The following KIF21B variants were observed in gnomAD, a reference collection of about 807,000 sequenced individuals.
KIF21B encodes the protein kinesin-like protein KIF21B.
In KIF21B, 85 loss-of-function variants were observed where a neutral mutation model predicts 192.9. The ratio of observed to expected loss-of-function variants is 0.44; its 90% CI spans 0.37 to 0.53. The LOEUF (loss-of-function observed/expected upper bound fraction) is 0.53. KIF21B is among the 20% of genes least tolerant of loss of function. The pLI is 0.00. For synonymous variants in KIF21B, 832 were observed against 884.6 expected (o/e 0.94, Z 1.05); for missense variants, 1,716 against 2,194.8 (o/e 0.78, Z 4.36).
chr1:201,002,026 GA>G (rs796794098), intron 9 of KIF21B, 134 bp downstream of exon 9: 212 of 721,258 alleles, frequency 2.9e-4, no homozygotes, highest in African/African-American at 1.1e-3. Context: ...AAAATCAAGT[GA>G]AAAAAAATGC....
intron 17 of KIF21B, 118 bp downstream of exon 17, chr1:200,991,539 C>G: frequency 9.6e-7 from 1 of 1,045,172 alleles, no homozygotes; most frequent in Non-Finnish European, 1.4e-6. Context: ...CTGGGAAATA[C>G]CGCCTTTATT....
chr1:200,993,353 G>T (rs550509220), intron 15 of KIF21B, among the ~76,000 whole-genome samples: 13 of 152,268 alleles, frequency 8.5e-5, no homozygotes, highest in Admixed American at 6.5e-4. Context: ...CCCTCTCCAG[G>T]GCTCAAGTCC....
rs1022964022 is a variant in KIF21B at position 200,971,170 on chromosome 1, G to A, written c.*2351C>T. 6.5e-6 allele frequency: 1 copy of A among 152,830 alleles called. No homozygotes were observed. Among genetic ancestry groups the A allele is most frequent in the Non-Finnish European group, 1.5e-5 (1 of 68,062 alleles). 9.5% of individuals were successfully genotyped at this position (152,830 alleles called of 1,614,324 possible). ...ACATGGACCTTGGACATCCCTGAAAGAGTGGGCAGAGAATCCAACTCTCAT... is the reference window on the plus strand; with the variant it reads ...ACATGGACCTTGGACATCCCTGAAAAAGTGGGCAGAGAATCCAACTCTCAT... On this transcript the variant is annotated 3_prime_UTR_variant, in exon 35 of 35. Transcript: ENST00000461742.
intron 30 of KIF21B, among the ~76,000 whole-genome samples, chr1:200,977,735 A>G (rs1250767377): frequency 7.0e-6 from 1 of 141,956 alleles, no homozygotes; most frequent in Admixed American, 7.0e-5. Flanking sequence ...TCTGTTTACT[A>G]TTTTTTTTTT....
intron 34 of KIF21B, chr1:200,973,997 C>T (rs1318790528): frequency 6.4e-7 from 1 of 1,553,184 alleles, no homozygotes; most frequent in Admixed American, 2.0e-5. Flanking sequence ...GTAAAATAAT[C>T]TCATACCGTT....
At position 201,008,934 on chromosome 1, in the gene KIF21B, C is replaced by T. The variant is rs149878953; in HGVS notation, c.282G>A (p.Thr94=). The part of the protein sequence containing the change: ...LAYGQTGAGK[T]YTMGTGFDMA... The stretch of plus-strand genomic sequence containing the variant: ...TGTCAAAGCCAGTGCCCATGGTGTA[C>T]GTCTTCCCGGCCCCCGTCTGCATTG... Residue 94 remains threonine (T), a synonymous_variant, in exon 3 of 35, where the codon ACG becomes ACA. Transcript: ENST00000461742. 1.1e-5 allele frequency: 18 copies of T among 1,610,316 alleles called. No homozygotes were observed. The highest frequency in any genetic ancestry group is 3.3e-5 in the Admixed American group (2 of 59,926).
chr1:200,973,645 A>C (rs1395528101), intron 34 of KIF21B, 67 bp from the exon 35 acceptor site: 1 of 1,517,672 alleles, frequency 6.6e-7, no homozygotes, highest in Non-Finnish European at 8.8e-7. Flanking sequence ...GGCTGCCCCC[A>C]AAAGTAGAGG....
At position 201,000,499 on chromosome 1, in the gene KIF21B, A is replaced by G; in HGVS notation, c.1576T>C (p.Phe526Leu). Residue 526 changes from phenylalanine (F) to leucine (L), a missense_variant, in exon 11 of 35, where the codon TTC becomes CTC. Phe to Leu is a conservative substitution (Grantham distance 22). Coordinates refer to ENST00000461742, the MANE Select transcript of KIF21B (RefSeq NM_001252102.2). The surrounding 1 kb of genome is among the most constrained non-coding windows in gnomAD (Gnocchi z 6.0). ...ATGGAGCTGGCAGGGCTGCCCCCGA[A>G]GGCCGGGGCGGCTGGAGAAGCACCC... ...SLGASPAAPA[F>L]GGSPASSMED... is the part of the protein sequence containing the mutation. The G allele has an allele frequency of 6.2e-7, 1 of 1,609,018 alleles. No individual in the cohort carries two copies. Among genetic ancestry groups the G allele is most frequent in the Non-Finnish European group, 8.5e-7 (1 of 1,177,050 alleles).
intron 1 of KIF21B, among the ~76,000 whole-genome samples, chr1:201,010,649 C>T (rs1658179503): frequency 6.6e-6 from 1 of 152,142 alleles, no homozygotes; most frequent in South Asian, 2.1e-4. Flanking sequence ...GCTTGTCAGG[C>T]CTCCTCTCCC....
intron 5 of KIF21B, 83 bp downstream of exon 5, chr1:201,005,225 T>C: frequency 6.7e-7 from 1 of 1,481,858 alleles, no homozygotes; most frequent in Non-Finnish European, 9.0e-7. Flanking sequence ...GTTTGCTATT[T>C]CTGAATCTGT....
Position 200,973,465 on chromosome 1 carries a change from C to A in KIF21B, c.*56G>T. ...ATCGGCCGGGTCACAGCTTCCCTTC[C>A]ATGGTGTCCAGGCTGCTGGGGTCGA... On this transcript the variant is annotated 3_prime_UTR_variant, in exon 35 of 35. Transcript: ENST00000461742. 7.2e-7 allele frequency: 1 copy of A among 1,395,152 alleles called. No individual in the cohort carries two copies. The highest frequency in any genetic ancestry group is 9.2e-7 in the Non-Finnish European group (1 of 1,082,770). The allele number at this position is 1,395,152 out of a possible 1,614,324, so 86.4% of individuals were successfully genotyped here.
chr1:201,000,015 A>G lies in KIF21B; in HGVS notation c.1686-51T>C, dbSNP rs758324230. Reference sequence around the variant, plus strand: ...GATTAGGAAGGCTGCCCCTGCCCTGAGCACATGGGCAGGACGGCGGCAGCG... The same window carrying G: ...GATTAGGAAGGCTGCCCCTGCCCTGGGCACATGGGCAGGACGGCGGCAGCG... On this transcript the variant is annotated intron_variant, in intron 11 of 34. Coordinates refer to ENST00000461742, the MANE Select transcript of KIF21B (RefSeq NM_001252102.2). The surrounding 1 kb of genome is among the most constrained non-coding windows in gnomAD (Gnocchi z 6.0). The G allele has an allele frequency of 2.0e-6, 3 of 1,521,752 alleles. No homozygotes were observed. The highest frequency in any genetic ancestry group is 9.1e-7 in the Non-Finnish European group (1 of 1,098,336). The allele number at this position is 1,521,752 out of a possible 1,614,324, so 94.3% of individuals were successfully genotyped here. A position where few individuals can be genotyped will look rare whatever the true frequency, so the allele number is the denominator to read the frequency against.
intron 2 of KIF21B, 105 bp downstream of exon 2, chr1:201,009,161 A>G (rs1658090758): frequency 2.4e-6 from 3 of 1,236,552 alleles, no homozygotes; most frequent in Non-Finnish European, 3.4e-6. Flanking sequence ...AATAGACAAA[A>G]CCCTGAGGCT....
chr1:200,991,651 G>A lies in KIF21B; in HGVS notation c.2454+6C>T, dbSNP rs962701218. On this transcript the variant is annotated splice_donor_region_variant and intron_variant, in intron 17 of 34. Coordinates refer to ENST00000461742, the MANE Select transcript of KIF21B (RefSeq NM_001252102.2). Reference sequence around the variant, plus strand: ...AGGGCCTCGCCAGCCCCTCGAGTGAGCTCACCTCCTGGGTCTTCCTCCTCA... The same window carrying A: ...AGGGCCTCGCCAGCCCCTCGAGTGAACTCACCTCCTGGGTCTTCCTCCTCA... The A allele has an allele frequency of 6.2e-7, 1 of 1,613,820 alleles. No individual in the cohort carries two copies.
intron 7 of KIF21B, 42 bp downstream of exon 7, chr1:201,004,298 C>G (rs1657673675): frequency 6.7e-7 from 1 of 1,492,364 alleles, no homozygotes; most frequent in Non-Finnish European, 9.1e-7. Context: ...AGGAACCTCC[C>G]TGCCTCCCCT....
chr1:200,976,210 C>T (rs1239093601), intron 32 of KIF21B, among the ~76,000 whole-genome samples: 1 of 152,178 alleles, frequency 6.6e-6, no homozygotes, highest in Non-Finnish European at 1.5e-5. Context: ...CCTCCCTCAA[C>T]CTCCCAAGTA....
chr1:200,973,632 G>C, intron 34 of KIF21B, 54 bp from the exon 35 acceptor site: 1 of 1,520,916 alleles, frequency 6.6e-7, no homozygotes, highest in Non-Finnish European at 8.8e-7. Context: ...AGTGGGCTTG[G>C]CTGGCTGCCC....
chr1:201,007,283 C>CACACAG, intron 3 of KIF21B, among the ~76,000 whole-genome samples: 1 of 138,412 alleles, frequency 7.2e-6, no homozygotes, highest in Non-Finnish European at 1.6e-5. Flanking sequence ...CAGACACCCA[C>CACACAG]ACACAGACAC....
rs201937333 is a variant in KIF21B, at chr1:200,990,280, C to T, written c.2888G>A (p.Arg963Gln). The stretch of plus-strand genomic sequence containing the variant: ...TTCCTCGGGGCTCTCAGCCTGCAGC[C>T]GCTCCCGCTTCCTCCGCAGTGCCTC... ...LQEALRRKRE[R>Q]LQAESPEEEK... Residue 963 changes from arginine (R) to glutamine (Q), a missense_variant, in exon 20 of 35, where the codon CGG becomes CAG. Physicochemically the swap from Arg to Gln is conservative, Grantham distance 43. Transcript: ENST00000461742. The surrounding 1 kb of genome is among the most constrained non-coding windows in gnomAD (Gnocchi z 5.4). 34 of 1,613,740 alleles carry T rather than the reference C, an allele frequency of 2.1e-5. No individual in the cohort carries two copies. The highest frequency in any genetic ancestry group is 5.0e-5 in the Admixed American group (3 of 59,998).
Sources: allele counts gnomAD v4.1 joint callset (sites outside exome capture counted in the v4.1 genomes callset), GRCh38; gene constraint gnomAD v4.1.1; non-coding constraint Gnocchi (gnomAD v3.1); transcripts MANE v1.5; gene names NCBI Gene and HGNC (gene_info 2026-07-23, HGNC 2026-07-21).